The following TRHDE variants were observed in gnomAD, a reference collection of about 807,000 sequenced individuals.
TRHDE encodes thyrotropin-releasing hormone-degrading ectoenzyme.
TRHDE carries 72 observed loss-of-function variants against 125.7 expected under a neutral mutation model. The observed-to-expected ratio is 0.57, with a 90% CI of 0.47 to 0.70. TRHDE has a LOEUF of 0.70. TRHDE is among the 30% of genes least tolerant of loss of function. TRHDE has a pLI of 0.00. For missense variants in TRHDE, 1,110 were observed against 1,327.1 expected, an observed-to-expected ratio of 0.84 and a Z score of 2.54; for synonymous variants, 509 against 509.1, an observed-to-expected ratio of 1.00 and a Z score of 0.00.
intron 15 of TRHDE, among the ~76,000 whole-genome samples, chr12:72,650,754 T>G (rs1034909164): frequency 2.6e-5 from 4 of 152,130 alleles, no homozygotes; most frequent in Non-Finnish European, 4.4e-5. Flanking sequence ...AATGCACTGT[T>G]GTGCTCTGTA....
chr12:72,367,706 A>G (rs1271445040), intron 2 of TRHDE, among the ~76,000 whole-genome samples: 1 of 152,172 alleles, frequency 6.6e-6, no homozygotes, highest in African/African-American at 2.4e-5. Flanking sequence ...TTATATTCAC[A>G]TAGGTGAATT....
intron 2 of TRHDE, among the ~76,000 whole-genome samples, chr12:72,353,716 A>G (rs1342839593): frequency 6.6e-6 from 1 of 151,658 alleles, no homozygotes; most frequent in African/African-American, 2.4e-5. Context: ...AAAAATATAT[A>G]TTAAAATAAT....
chr12:72,592,869 C>A (rs1268045533), intron 12 of TRHDE, among the ~76,000 whole-genome samples: 2 of 152,078 alleles, frequency 1.3e-5, no homozygotes, highest in Non-Finnish European at 2.9e-5. Flanking sequence ...TGCCACTATG[C>A]CCGGCTAATT....
chr12:72,512,749 G>T (rs904255547), intron 6 of TRHDE, among the ~76,000 whole-genome samples: 1 of 149,628 alleles, frequency 6.7e-6, no homozygotes, highest in Admixed American at 6.8e-5. Flanking sequence ...AGATGTAAAG[G>T]ATAAATAAGC....
At chr12:72,591,632 G>GTTTTTTTTT (rs71071842) in intron 12 of TRHDE, among the ~76,000 whole-genome samples, 7,999 of 123,034 alleles carry the variant, frequency 0.065, 681 homozygotes, top group African/African-American at 0.22. Flanking sequence ...AAGGATATGG[G>GTTTTTTTTT]TTTTTTTTTT....
rs143519455 is a variant in TRHDE at position 72,643,384 on chromosome 12, G to A, written c.2676-8938G>A. Among the ~76,000 whole-genome samples the A allele has an allele frequency of 8.4e-3, 1,282 of 152,190 alleles. 64 individuals are homozygous for A. Among genetic ancestry groups the A allele is most frequent in the Admixed American group, 0.073 (1,119 of 15,280 alleles). The stretch of plus-strand genomic sequence containing the variant: ...AAATTTGATATCTCTGCTATGTGAC[G>A]AACAGCCATTGAGAAGACTGAAACT... On this transcript the variant is annotated intron_variant, in intron 15 of 18. Transcript: ENST00000261180.
chr12:72,477,338 T>C (rs1326708824), intron 5 of TRHDE, among the ~76,000 whole-genome samples: 4 of 152,208 alleles, frequency 2.6e-5, no homozygotes, highest in Non-Finnish European at 5.9e-5. Flanking sequence ...AAAATAAACT[T>C]GGTATCTAGA....
intron 6 of TRHDE, among the ~76,000 whole-genome samples, chr12:72,537,439 G>T (rs1050766658): frequency 6.6e-6 from 1 of 151,986 alleles, no homozygotes; most frequent in Admixed American, 6.6e-5. Flanking sequence ...TTTCATAAGT[G>T]GTAGTTTTTC....
intron 12 of TRHDE, among the ~76,000 whole-genome samples, chr12:72,578,337 C>T (rs1236245706): frequency 2.6e-5 from 4 of 152,042 alleles, no homozygotes; most frequent in African/African-American, 9.7e-5. Context: ...GGAAGTAGTT[C>T]AACCCCAAAG....
At chr12:72,409,613 C>T (rs1398652832) in intron 3 of TRHDE, among the ~76,000 whole-genome samples, 1 of 152,130 alleles carries the variant, frequency 6.6e-6, no homozygotes, top group Admixed American at 6.5e-5. Flanking sequence ...TCTAGTTGAT[C>T]CTCTATGGAT....
intron 2 of TRHDE, among the ~76,000 whole-genome samples, chr12:72,342,053 G>T (rs982806817): frequency 2.0e-5 from 3 of 151,666 alleles, no homozygotes; most frequent in African/African-American, 7.3e-5. Context: ...AAAAAAAAAA[G>T]ACTTTAAAAA....
At chr12:72,436,115 TG>T (rs1039144730) in intron 3 of TRHDE, among the ~76,000 whole-genome samples, 1 of 152,086 alleles carries the variant, frequency 6.6e-6, no homozygotes, top group African/African-American at 2.4e-5. Flanking sequence ...AGAGCATCTC[TG>T]TTCAATGATA....
chr12:72,273,243 C>T lies in TRHDE; in HGVS notation c.600C>T (p.Thr200=), dbSNP rs1040072532. The T allele has an allele frequency of 8.1e-6, 13 of 1,613,996 alleles. No individual in the cohort carries two copies. The highest frequency in any genetic ancestry group is 1.3e-5 in the African/African-American group (1 of 75,068). Residue 200 remains threonine (T), a synonymous_variant, in exon 1 of 19, where the codon ACC becomes ACT. Transcript: ENST00000261180. This position sits in a 1 kb window ranked among gnomAD's most constrained non-coding sequence, Gnocchi z 5.3. ...LKPLHYNLML[T]AFMENFTFSG... is the part of the protein sequence containing the mutation. ...CGCTGCACTACAATCTGATGCTCAC[C>T]GCCTTCATGGAGAACTTCACCTTCT...
intron 2 of TRHDE, among the ~76,000 whole-genome samples, chr12:72,358,077 A>T (rs1322140570): frequency 6.6e-6 from 1 of 151,612 alleles, no homozygotes; most frequent in Non-Finnish European, 1.5e-5. Context: ...CTGAAACAGT[A>T]CTTAGGAGGG....
chr12:72,525,936 A>AT (rs35107968), intron 6 of TRHDE, among the ~76,000 whole-genome samples: 5 of 151,782 alleles, frequency 3.3e-5, no homozygotes, highest in African/African-American at 1.2e-4. Flanking sequence ...TGTTTCAGTC[A>AT]TTTTTTTCCC....
intron 2 of TRHDE, among the ~76,000 whole-genome samples, chr12:72,294,512 T>A (rs947382522): frequency 1.3e-5 from 2 of 151,852 alleles, no homozygotes; most frequent in East Asian, 3.9e-4. Context: ...GGACCTAGAG[T>A]GTGTTGCTCC....
At chr12:72,253,248 G>A (rs748855485) in intron 2 of TRHDE, among the ~76,000 whole-genome samples, 3 of 151,910 alleles carry the variant, frequency 2.0e-5, no homozygotes, top group East Asian at 1.9e-4. Flanking sequence ...TTAAGTTCTC[G>A]GAATTTTATT....
At chr12:72,243,574 T>A (rs547641923) in intron 2 of TRHDE, among the ~76,000 whole-genome samples, 4 of 152,330 alleles carry the variant, frequency 2.6e-5, no homozygotes, top group African/African-American at 9.6e-5. Context: ...AATTATGCCA[T>A]TAGAATAAAT....
In TRHDE at chr12:72,378,272, G is replaced by A. The variant is rs546286126; in HGVS notation, c.1315+151G>A. Reference sequence around the variant, plus strand: ...ACAAAAAAAAATTTCTTTTGAAGAGGTAAAATAAGATTTAGTGTTTCTGGA... The same window carrying A: ...ACAAAAAAAAATTTCTTTTGAAGAGATAAAATAAGATTTAGTGTTTCTGGA... On this transcript the variant is annotated intron_variant, in intron 3 of 18. Transcript: ENST00000261180. 6.2e-5 allele frequency: 44 copies of A among 707,524 alleles called. No homozygotes were observed. The East Asian group carries it at 1.3e-3, about 20-fold the overall frequency. The allele number at this position is 707,524 out of a possible 1,614,324, so 43.8% of individuals were successfully genotyped here. A position where few individuals can be genotyped will look rare whatever the true frequency, so the allele number is the denominator to read the frequency against.
Sources: gnomAD v4.1 joint callset for allele counts (sites outside exome capture counted in the v4.1 genomes callset) on GRCh38, gnomAD v4.1.1 for gene constraint, Gnocchi (gnomAD v3.1) non-coding constraint, MANE v1.5 for transcripts, NCBI Gene and HGNC (gene_info 2026-07-23, HGNC 2026-07-21) for gene names.